OR3A2: variants seen among roughly 807,000 people sequenced by gnomAD.
OR3A2 encodes the protein olfactory receptor family 3 subfamily A member 2, also known as olfactory receptor 3A2.
For missense variants in OR3A2, 318 were observed against 392.8 expected (o/e 0.81, Z 1.61); for synonymous variants, 126 against 159.3 (o/e 0.79, Z 1.57).
intron 3 of OR3A2, among the ~76,000 whole-genome samples, chr17:3,323,373 G>A (rs1260114715): frequency 3.9e-5 from 6 of 151,938 alleles, no homozygotes; most frequent in African/African-American, 9.7e-5. Context: ...AGTTAATATC[G>A]TTACGTGTGA....
chr17:3,350,872 G>A (rs1156878049), intron 2 of OR3A2, among the ~76,000 whole-genome samples: 1 of 147,236 alleles, frequency 6.8e-6, no homozygotes, highest in Non-Finnish European at 1.5e-5. Flanking sequence ...TGCAAGGCTG[G>A]TTCAATATAT....
chr17:3,343,275 C>T (rs956006372), intron 2 of OR3A2, among the ~76,000 whole-genome samples: 1 of 152,174 alleles, frequency 6.6e-6, no homozygotes, highest in African/African-American at 2.4e-5. Flanking sequence ...CACTGTCCAA[C>T]CAGTTCCAAT....
At position 3,280,587 on chromosome 17, in the gene OR3A2, A is replaced by G. The variant is rs553432710; in HGVS notation, c.-6-1664T>C. On this transcript the variant is annotated intron_variant, in intron 1 of 1. Transcript: ENST00000642052. ...GCGCCCAGCCCATCTTTCAGATTTT[A>G]TATCCTACTCCAGATCAAAAAACAT... 9.9e-5 allele frequency among the ~76,000 whole-genome samples: 15 copies of G among 152,270 alleles called. No homozygotes were observed. In the South Asian group the frequency reaches 2.9e-3, roughly 29 times the overall value.
chr17:3,375,187 A>C (rs1597364607), intron 2 of OR3A2, among the ~76,000 whole-genome samples: 1 of 25,204 alleles, frequency 4.0e-5, no homozygotes, highest in African/African-American at 1.5e-4. Context: ...AGACAGTCTC[A>C]CTCAGTTGCC....
intron 2 of OR3A2, among the ~76,000 whole-genome samples, chr17:3,350,462 A>T (rs1197795857): frequency 6.6e-6 from 1 of 151,606 alleles, no homozygotes; most frequent in Non-Finnish European, 1.5e-5. Context: ...CGACACATAC[A>T]CTCTCCCAAG....
At chr17:3,384,798 A>T (rs2049765047) in intron 1 of OR3A2, among the ~76,000 whole-genome samples, 2 of 152,068 alleles carry the variant, frequency 1.3e-5, no homozygotes, top group South Asian at 2.1e-4. Flanking sequence ...CTTTTTGTTG[A>T]TGGCTGCTTT....
At position 3,330,327 on chromosome 17, in the gene OR3A2, T is replaced by C. The variant is rs559372823; in HGVS notation, c.-85+5706A>G. ...GACAATGGGGTGTTAAAGTCTCCCA[T>C]TATTAAAGTGTGGGAGTCTAAGTCT... is the stretch of plus-strand genomic sequence containing the variant. On this transcript the variant is annotated intron_variant, in intron 3 of 4. Transcript: ENST00000573491. Among the ~76,000 whole-genome samples the C allele has an allele frequency of 2.0e-5, 3 of 150,346 alleles. No individual in the cohort carries two copies. The East Asian group carries it at 5.8e-4, about 29-fold the overall frequency.
chr17:3,295,739 C>T (rs758626846), intron 3 of OR3A2, among the ~76,000 whole-genome samples: 2 of 151,558 alleles, frequency 1.3e-5, no homozygotes, highest in Non-Finnish European at 2.9e-5. Flanking sequence ...TAAAGGAATA[C>T]CAGTCAGATG....
chr17:3,326,199 A>G (rs1423885683), intron 3 of OR3A2, among the ~76,000 whole-genome samples: 3 of 152,104 alleles, frequency 2.0e-5, no homozygotes, highest in Non-Finnish European at 2.9e-5. Context: ...ATTGATGGGC[A>G]TCTGGGTTGA....
intron 3 of OR3A2, among the ~76,000 whole-genome samples, chr17:3,307,581 G>A (rs1361890411): frequency 6.6e-6 from 1 of 152,210 alleles, no homozygotes; most frequent in Non-Finnish European, 1.5e-5. Flanking sequence ...TGTTCTAAAA[G>A]TCCTCTAACC....
chr17:3,361,252 G>C (rs1283265510), intron 2 of OR3A2, among the ~76,000 whole-genome samples: 2 of 150,338 alleles, frequency 1.3e-5, no homozygotes, highest in African/African-American at 5.0e-5. Context: ...TGTGATTTTT[G>C]TACATTGATT....
chr17:3,360,669 T>C (rs1024596735), intron 2 of OR3A2, among the ~76,000 whole-genome samples: 1 of 151,776 alleles, frequency 6.6e-6, no homozygotes, highest in Non-Finnish European at 1.5e-5. Context: ...ATTTGTTAAA[T>C]AGGGAATCCT....
intron 2 of OR3A2, among the ~76,000 whole-genome samples, chr17:3,361,043 C>A (rs947780819): frequency 6.6e-6 from 1 of 151,412 alleles, no homozygotes; most frequent in African/African-American, 2.5e-5. Context: ...ATTCTTCCTA[C>A]CCATGAGCAT....
intron 1 of OR3A2, among the ~76,000 whole-genome samples, chr17:3,280,273 A>AT (rs200615690): frequency 0.018 from 2,573 of 141,256 alleles, 46 homozygotes; most frequent in African/African-American, 0.04. Context: ...CATTTTTCAG[A>AT]TTTTTTTTTT....
chr17:3,381,542 G>A (rs534591642), intron 2 of OR3A2, among the ~76,000 whole-genome samples: 17 of 152,214 alleles, frequency 1.1e-4, no homozygotes, highest in South Asian at 1.0e-3. Context: ...TCTCCCCATC[G>A]CCTGAAGTCG....
chr17:3,302,181 T>C (rs1005293222), intron 3 of OR3A2, among the ~76,000 whole-genome samples: 1 of 152,146 alleles, frequency 6.6e-6, no homozygotes, highest in Admixed American at 6.5e-5. Flanking sequence ...AGGTAATTTA[T>C]AGATTCAATG....
chr17:3,354,765 C>T lies in OR3A2; in HGVS notation c.-178-18639G>A, dbSNP rs920022834. ...TTCATTTCAAATTCTCTTATTTCTG[C>T]GATGATCTTTATTACCTCCCTTCTT... is the stretch of plus-strand genomic sequence containing the variant. On this transcript the variant is annotated intron_variant, in intron 2 of 4. Coordinates refer to the OR3A2 transcript ENST00000573491. 5.3e-5 allele frequency among the ~76,000 whole-genome samples: 8 copies of T among 151,180 alleles called. No individual in the cohort carries two copies. In the East Asian group the frequency reaches 9.6e-4, roughly 18 times the overall value.
At chr17:3,358,914 A>C (rs1018836473) in intron 2 of OR3A2, among the ~76,000 whole-genome samples, 1 of 151,700 alleles carries the variant, frequency 6.6e-6, no homozygotes, top group African/African-American at 2.4e-5. Flanking sequence ...TCAAGAGTCT[A>C]TGTCTCCTTG....
At chr17:3,287,108 T>C (rs1227133015), upstream of OR3A2, among the ~76,000 whole-genome samples, 2 of 152,304 alleles carry the variant, frequency 1.3e-5, no homozygotes, top group South Asian at 2.1e-4. Flanking sequence ...CCCAGAGATA[T>C]CCAACCTAAA....
Sources: gnomAD v4.1 joint callset for allele counts (sites outside exome capture counted in the v4.1 genomes callset) on GRCh38, gnomAD v4.1.1 for gene constraint, MANE v1.5 for transcripts, NCBI Gene and HGNC (gene_info 2026-07-23, HGNC 2026-07-21) for gene names.